The following GLYATL2 variants were observed in gnomAD, a reference collection of about 807,000 sequenced individuals.
GLYATL2 encodes the protein glycine N-acyltransferase-like protein 2.
Under a neutral mutation model 21.4 loss-of-function variants are expected in GLYATL2, and 25 were observed. The observed-to-expected ratio is 1.17, with a 90% CI of 0.85 to 1.63. The LOEUF (loss-of-function observed/expected upper bound fraction) is 1.63, where lower values mean the gene tolerates loss of function less well. GLYATL2 is among the 40% of genes most tolerant of loss of function. The pLI is 0.00. For synonymous variants in GLYATL2, 114 were observed against 118.2 expected, an observed-to-expected ratio of 0.96 and a Z score of 0.23; for missense variants, 361 against 343.3, an observed-to-expected ratio of 1.05 and a Z score of -0.41.
chr11:58,871,478 C>T (rs1854119431), intron 1 of GLYATL2, among the ~76,000 whole-genome samples: 1 of 147,978 alleles, frequency 6.8e-6, no homozygotes, highest in Non-Finnish European at 1.5e-5. Flanking sequence ...GTTCCCCTTC[C>T]TGTGTCCATG....
At chr11:58,907,768 C>T (rs769104882), upstream of GLYATL2, 4 of 197,240 alleles carry the variant, frequency 2.0e-5, no homozygotes, top group Non-Finnish European at 4.2e-5. Context: ...GAGCTTTGTT[C>T]CAGTACGTTG....
rs561990931 is a variant in GLYATL2, at chr11:58,888,165, G to C, written n.60+15991C>G. On this transcript the variant is annotated intron_variant and non_coding_transcript_variant, in intron 1 of 4. Transcript: ENST00000533636. Reference sequence around the variant, plus strand: ...TGTTGTTTGACCATTTTTACACTGGGGTTTTGTGTCATTCTTAAAATTCTG... The same window carrying C: ...TGTTGTTTGACCATTTTTACACTGGCGTTTTGTGTCATTCTTAAAATTCTG... Among the ~76,000 whole-genome samples, 22 of 152,076 alleles carry C rather than the reference G, an allele frequency of 1.4e-4. 2 individuals are homozygous for C. The highest frequency in any genetic ancestry group is 4.6e-4 in the African/African-American group (19 of 41,498).
At chr11:58,859,124 G>T (rs1732848415) in intron 1 of GLYATL2, among the ~76,000 whole-genome samples, 1 of 151,948 alleles carries the variant, frequency 6.6e-6, no homozygotes. Flanking sequence ...AATCCCCCTG[G>T]CCCCCAACTG....
At chr11:58,842,400 C>T (rs1853569111) in intron 1 of GLYATL2, among the ~76,000 whole-genome samples, 1 of 151,880 alleles carries the variant, frequency 6.6e-6, no homozygotes, top group African/African-American at 2.4e-5. Context: ...GGACTACTGT[C>T]TATGTGCAGT....
At chr11:58,901,416 C>G (rs1425382930) in intron 1 of GLYATL2, among the ~76,000 whole-genome samples, 1 of 152,144 alleles carries the variant, frequency 6.6e-6, no homozygotes, top group African/African-American at 2.4e-5. Context: ...GGCCTCACCC[C>G]AGACCTATTG....
chr11:58,893,631 T>TA (rs568423011), intron 1 of GLYATL2, among the ~76,000 whole-genome samples: 258 of 152,264 alleles, frequency 1.7e-3, no homozygotes, highest in African/African-American at 6.0e-3. Context: ...TTGAGGAACT[T>TA]ACAATCCAGG....
rs780780737 is a variant in GLYATL2 at position 58,834,630 on chromosome 11, A to G, written c.684T>C (p.Thr228=). The G allele has an allele frequency of 5.0e-6, 8 of 1,613,346 alleles. No homozygotes were observed. The highest frequency in any genetic ancestry group is 5.1e-6 in the Non-Finnish European group (6 of 1,179,822). ...EQSCELRMGY[T]VPKYRHQGNM... is the part of the protein sequence containing the mutation. Reference sequence around the variant, plus strand: ...TGCCTTGGTGTCTGTATTTGGGGACAGTATAACCCATTCTCAACTCACAGG... The same window carrying G: ...TGCCTTGGTGTCTGTATTTGGGGACGGTATAACCCATTCTCAACTCACAGG... Residue 228 remains threonine, a synonymous_variant, in exon 6 of 6, where the codon ACT becomes ACC. Coordinates refer to ENST00000287275, the MANE Select transcript of GLYATL2 (RefSeq NM_145016.4).
chr11:58,909,177 A>G (rs144696850), upstream of GLYATL2, among the ~76,000 whole-genome samples: 3 of 152,318 alleles, frequency 2.0e-5, no homozygotes, highest in African/African-American at 7.2e-5. Flanking sequence ...GACAGATCCT[A>G]ATGAATAATA....
At chr11:58,873,497 G>C (rs1253998734) in intron 1 of GLYATL2, among the ~76,000 whole-genome samples, 6 of 152,084 alleles carry the variant, frequency 3.9e-5, no homozygotes, top group Non-Finnish European at 5.9e-5. Flanking sequence ...TAGCATGAAG[G>C]GCTGTTGAAT....
In GLYATL2 at chr11:58,894,476, C is replaced by CCAAAAAAAAA. The variant is rs5792135; in HGVS notation, n.60+9679_60+9680insTTTTTTTTTG. Among the ~76,000 whole-genome samples, 6 of 116,540 alleles carry CCAAAAAAAAA rather than the reference C, an allele frequency of 5.1e-5. 1 individual carries two copies. Among genetic ancestry groups the CCAAAAAAAAA allele is most frequent in the African/African-American group, 3.2e-5 (1 of 31,054 alleles). The allele number at this position is 116,540 out of a possible 152,430, so 76.5% of individuals were successfully genotyped here. On this transcript the variant is annotated intron_variant and non_coding_transcript_variant, in intron 1 of 4. Coordinates refer to the GLYATL2 transcript ENST00000533636. ...ATTACTGTGAACATTGCAGCTATAGCAAAAAAAAAAAAAAAAAGCATTTTC... is the reference window on the plus strand; with the variant it reads ...ATTACTGTGAACATTGCAGCTATAGCCAAAAAAAAAAAAAAAAAAAAAAAAAAGCATTTTC...
In GLYATL2 at chr11:58,883,029, G is replaced by T. The variant is rs1394270558; in HGVS notation, n.60+21127C>A. 3.3e-5 allele frequency among the ~76,000 whole-genome samples: 5 copies of T among 152,192 alleles called. 1 individual carries two copies. The highest frequency in any genetic ancestry group is 1.2e-4 in the African/African-American group (5 of 41,510). On this transcript the variant is annotated intron_variant and non_coding_transcript_variant, in intron 1 of 4. Transcript: ENST00000533636. ...TGTTCTTTTTGCTTAGGGTTGTCTTGGCAATGCAGGTTCTTTTTTGATTGC... is the reference window on the plus strand; with the variant it reads ...TGTTCTTTTTGCTTAGGGTTGTCTTTGCAATGCAGGTTCTTTTTTGATTGC...
At chr11:58,836,854 C>T (rs1289860133) in intron 5 of GLYATL2, among the ~76,000 whole-genome samples, 161 bp downstream of exon 5, 1 of 152,136 alleles carries the variant, frequency 6.6e-6, no homozygotes, top group Non-Finnish European at 1.5e-5. Flanking sequence ...AAGGCTATGT[C>T]CATGCTCAGT....
chr11:58,851,386 G>T (rs562659), intron 1 of GLYATL2, among the ~76,000 whole-genome samples: 134,990 of 152,134 alleles, frequency 0.89, 61,044 homozygotes, highest in Non-Finnish European at 0.98. Context: ...ATGGTGTATC[G>T]CACTGGTTGA....
intron 5 of GLYATL2, among the ~76,000 whole-genome samples, chr11:58,835,841 A>G (rs1483563013): frequency 6.6e-6 from 1 of 152,158 alleles, no homozygotes; most frequent in Non-Finnish European, 1.5e-5. Flanking sequence ...GAGTTATACT[A>G]CTAAATATTA....
At chr11:58,841,548 C>T (rs1256270939) in intron 1 of GLYATL2, among the ~76,000 whole-genome samples, 2 of 152,140 alleles carry the variant, frequency 1.3e-5, no homozygotes, top group African/African-American at 2.4e-5. Context: ...GGTGACCATT[C>T]CACCGGACAG....
chr11:58,866,578 C>G (rs1854026599), intron 1 of GLYATL2, among the ~76,000 whole-genome samples: 1 of 148,882 alleles, frequency 6.7e-6, no homozygotes, highest in African/African-American at 2.4e-5. Flanking sequence ...TCAGGGGAAT[C>G]CTAGGTCCCA....
chr11:58,847,945 T>A (rs1402161000), upstream of GLYATL2, among the ~76,000 whole-genome samples: 1 of 149,540 alleles, frequency 6.7e-6, no homozygotes, highest in Non-Finnish European at 1.5e-5. Flanking sequence ...GCCACAGGAG[T>A]GCTTATGTCA....
intron 1 of GLYATL2, among the ~76,000 whole-genome samples, chr11:58,863,634 G>C (rs1231924856): frequency 6.6e-6 from 1 of 152,178 alleles, no homozygotes; most frequent in African/African-American, 2.4e-5. Flanking sequence ...ACCATAGGTG[G>C]TAGACTGGTG....
At chr11:58,860,286 C>T (rs923595765) in intron 1 of GLYATL2, among the ~76,000 whole-genome samples, 11 of 151,622 alleles carry the variant, frequency 7.3e-5, no homozygotes, top group African/African-American at 2.7e-4. Flanking sequence ...TTCTTCACTT[C>T]CTTCATTTAT....
Sources: allele counts gnomAD v4.1 joint callset (sites outside exome capture counted in the v4.1 genomes callset), GRCh38; gene constraint gnomAD v4.1.1; transcripts MANE v1.5; gene names NCBI Gene and HGNC (gene_info 2026-07-23, HGNC 2026-07-21).